Variants in NRG1 observed in about 807,000 individuals in gnomAD.
NRG1 encodes pro-neuregulin-1, membrane-bound isoform.
NRG1 carries 18 observed loss-of-function variants against 63.8 expected under a neutral mutation model. The ratio of observed to expected loss-of-function variants is 0.28; its 90% CI spans 0.19 to 0.42. NRG1 has a LOEUF of 0.42. NRG1 is among the 10% of genes least tolerant of loss of function. NRG1 has a pLI of 1.00. For synonymous variants in NRG1, 302 were observed against 301.3 expected, an observed-to-expected ratio of 1.00 and a Z score of -0.02; for missense variants, 762 against 814.7, an observed-to-expected ratio of 0.94 and a Z score of 0.79.
chr8:32,543,869 T>C (rs889969196), upstream of NRG1, among the ~76,000 whole-genome samples: 2 of 152,208 alleles, frequency 1.3e-5, no homozygotes, highest in African/African-American at 2.4e-5. Context: ...GTACCACTTC[T>C]AGTTTTGCCA....
At chr8:32,214,724 G>T (rs1273251171) in intron 1 of NRG1, among the ~76,000 whole-genome samples, 1 of 152,136 alleles carries the variant, frequency 6.6e-6, no homozygotes, top group African/African-American at 2.4e-5. Flanking sequence ...AAAATGAGTG[G>T]TTGATCTTAG....
chr8:31,736,383 CT>C (rs1814664498), intron 1 of NRG1, among the ~76,000 whole-genome samples: 1 of 152,134 alleles, frequency 6.6e-6, no homozygotes, highest in South Asian at 2.1e-4. Context: ...ACCTGGCAGT[CT>C]GGACATTCTT....
chr8:32,308,873 C>A (rs773274359), intron 1 of NRG1, among the ~76,000 whole-genome samples: 8 of 152,182 alleles, frequency 5.3e-5, no homozygotes, highest in Non-Finnish European at 5.9e-5. Flanking sequence ...GTTGAATAGA[C>A]CAAACTATTC....
At chr8:32,218,161 G>A (rs1308643651) in intron 1 of NRG1, among the ~76,000 whole-genome samples, 1 of 152,156 alleles carries the variant, frequency 6.6e-6, no homozygotes, top group Non-Finnish European at 1.5e-5. Context: ...CATATTTTAA[G>A]TTTGGCCTAA....
intron 1 of NRG1, among the ~76,000 whole-genome samples, chr8:31,845,154 G>A (rs1826571549): frequency 6.9e-6 from 1 of 144,088 alleles, no homozygotes; most frequent in Non-Finnish European, 1.5e-5. Context: ...AAACAGCAAA[G>A]CTTCTATGAA....
intron 1 of NRG1, among the ~76,000 whole-genome samples, chr8:32,122,718 C>T (rs1833615608): frequency 1.3e-5 from 2 of 151,780 alleles, no homozygotes; most frequent in Admixed American, 6.6e-5. Flanking sequence ...TGGTGTGCTG[C>T]ACCCATTAAC....
chr8:32,653,129 T>TG (rs1554620116), intron 5 of NRG1, among the ~76,000 whole-genome samples: 2,908 of 149,298 alleles, frequency 0.019, 42 homozygotes, highest in Non-Finnish European at 0.032. Context: ...TTTGGTTTTT[T>TG]TTTGTTTGTT....
intron 1 of NRG1, among the ~76,000 whole-genome samples, chr8:31,797,275 C>G (rs1411237133): frequency 6.6e-6 from 1 of 152,198 alleles, no homozygotes; most frequent in African/African-American, 2.4e-5. Context: ...CCTAGAGATA[C>G]TTACTCTACT....
chr8:32,408,293 C>T (rs1814384638), intron 1 of NRG1, among the ~76,000 whole-genome samples: 1 of 152,162 alleles, frequency 6.6e-6, no homozygotes, highest in African/African-American at 2.4e-5. Flanking sequence ...AAGCTGTTTG[C>T]CCTCTTTGCC....
chr8:31,695,844 A>C (rs1810006307), intron 1 of NRG1, among the ~76,000 whole-genome samples: 1 of 95,558 alleles, frequency 1.0e-5, no homozygotes, highest in Non-Finnish European at 2.1e-5. Flanking sequence ...ATTTAAGAAG[A>C]ATAACATAAT....
intron 1 of NRG1, among the ~76,000 whole-genome samples, chr8:32,316,739 T>C (rs562000644): frequency 6.6e-6 from 1 of 152,232 alleles, no homozygotes; most frequent in African/African-American, 2.4e-5. Context: ...TACTGATGCA[T>C]TGCAATTAAC....
intron 5 of NRG1, among the ~76,000 whole-genome samples, chr8:32,634,099 T>TAAAAAAAGAAAAAA (rs1850846745): frequency 1.2e-5 from 1 of 86,796 alleles, no homozygotes; most frequent in Non-Finnish European, 2.0e-5. Flanking sequence ...GATCTTGTCT[T>TAAAAAAAGAAAAAA]AAAAAAAAAA....
chr8:31,797,430 C>T (rs1821332417), intron 1 of NRG1, among the ~76,000 whole-genome samples: 1 of 152,170 alleles, frequency 6.6e-6, no homozygotes, highest in Non-Finnish European at 1.5e-5. Flanking sequence ...TTTTTCTACT[C>T]ATTATCCAGC....
chr8:32,365,401 A>G (rs1397829010), intron 1 of NRG1, among the ~76,000 whole-genome samples: 2 of 151,664 alleles, frequency 1.3e-5, no homozygotes, highest in African/African-American at 4.8e-5. Flanking sequence ...TTTAAGATTT[A>G]CGTAGTTGGA....
intron 2 of NRG1, 80 bp downstream of exon 2, chr8:32,596,085 G>T: frequency 9.1e-7 from 1 of 1,093,912 alleles, no homozygotes; most frequent in Non-Finnish European, 1.3e-6. Flanking sequence ...CCTAATAAGT[G>T]AATTTACTAT....
At chr8:32,236,754 G>A (rs1490867763) in intron 1 of NRG1, among the ~76,000 whole-genome samples, 2 of 152,220 alleles carry the variant, frequency 1.3e-5, no homozygotes, top group East Asian at 1.9e-4. Flanking sequence ...AGGCAGGAAG[G>A]AAATGCAGGA....
chr8:31,974,563 T>C (rs1413145082), intron 1 of NRG1, among the ~76,000 whole-genome samples: 1 of 152,136 alleles, frequency 6.6e-6, no homozygotes, highest in Admixed American at 6.5e-5. Flanking sequence ...ATTCATTCAG[T>C]CATCAAATAA....
chr8:31,802,052 C>G (rs2131725556), intron 1 of NRG1, among the ~76,000 whole-genome samples: 1 of 152,302 alleles, frequency 6.6e-6, no homozygotes, highest in African/African-American at 2.4e-5. Context: ...CGGTATTAAA[C>G]AGTGTCAATT....
chr8:32,368,978 A>G (rs866022529), intron 1 of NRG1, among the ~76,000 whole-genome samples: 2 of 152,274 alleles, frequency 1.3e-5, no homozygotes, highest in Middle Eastern at 6.8e-3. Flanking sequence ...TACTGCATGC[A>G]TATGTGTATG....
Sources: allele counts gnomAD v4.1 joint callset (sites outside exome capture counted in the v4.1 genomes callset), GRCh38; gene constraint gnomAD v4.1.1; transcripts MANE v1.5; gene names NCBI Gene and HGNC (gene_info 2026-07-23, HGNC 2026-07-21).